The following CNKSR2 variants were observed in gnomAD, a reference collection of about 807,000 sequenced individuals.
The protein encoded by CNKSR2 is CNK homolog protein 2.
CNKSR2 carries 14 observed loss-of-function variants against 84.4 expected under a neutral mutation model. That is an observed-to-expected ratio of 0.17 (90% CI 0.11 to 0.26). The LOEUF (loss-of-function observed/expected upper bound fraction) is 0.26, where lower values mean the gene tolerates loss of function less well. CNKSR2 is among the 10% of genes least tolerant of loss of function. The pLI is 1.00. For missense variants in CNKSR2, 485 were observed against 771.2 expected, an observed-to-expected ratio of 0.63 and a Z score of 4.40; for synonymous variants, 275 against 277.9, an observed-to-expected ratio of 0.99 and a Z score of 0.10.
intron 11 of CNKSR2, among the ~76,000 whole-genome samples, chrX:21,558,998 A>T (rs1438522024): frequency 9.0e-6 from 1 of 110,980 alleles, no homozygotes; most frequent in East Asian, 2.8e-4. Flanking sequence ...TAAATTGTAG[A>T]TATTTTGAAA....
intron 13 of CNKSR2, among the ~76,000 whole-genome samples, chrX:21,574,054 GA>G (rs1260172614): frequency 9.0e-6 from 1 of 111,376 alleles, no homozygotes; most frequent in African/African-American, 3.3e-5. Flanking sequence ...TAGGGCAGGG[GA>G]AAAATGCCAC....
intron 21 of CNKSR2, 73 bp downstream of exon 21, chrX:21,649,100 G>C: frequency 1.3e-6 from 1 of 784,538 alleles, no homozygotes; most frequent in Non-Finnish European, 1.8e-6. Context: ...GATACTGTAG[G>C]TTAAGAAATA....
intron 1 of CNKSR2, among the ~76,000 whole-genome samples, chrX:21,400,918 T>C (rs751274686): frequency 9.0e-6 from 1 of 111,679 alleles, no homozygotes; most frequent in Admixed American, 9.6e-5. Context: ...GATCACATTT[T>C]AAAATTTTAT....
Position 21,652,707 on chromosome X carries a change from C to T in CNKSR2, c.*186C>T, listed in dbSNP as rs761578664. ...GAGCATTTGTATATTTTATATGCAACAGTGCTCAGCTTATGTTTACCATGT... is the reference window on the plus strand; with the variant it reads ...GAGCATTTGTATATTTTATATGCAATAGTGCTCAGCTTATGTTTACCATGT... On this transcript the variant is annotated 3_prime_UTR_variant, in exon 22 of 22. Coordinates refer to ENST00000379510, the MANE Select transcript of CNKSR2 (RefSeq NM_014927.5). 4 of 392,283 alleles carry T rather than the reference C, an allele frequency of 1.0e-5. No homozygotes were observed. The highest frequency in any genetic ancestry group is 1.7e-5 in the Non-Finnish European group (4 of 229,591). The allele number at this position is 392,283 out of a possible 1,213,427, so 32.3% of individuals were successfully genotyped here. A position where few individuals can be genotyped will look rare whatever the true frequency, so the allele number is the denominator to read the frequency against.
At chrX:21,448,991 T>G (rs1321299665) in intron 4 of CNKSR2, among the ~76,000 whole-genome samples, 1 of 111,567 alleles carries the variant, frequency 9.0e-6, no homozygotes, top group African/African-American at 3.3e-5. Flanking sequence ...ACTTATAAAA[T>G]AAGTCAAAAT....
intron 11 of CNKSR2, among the ~76,000 whole-genome samples, chrX:21,540,108 AATAG>A (rs1413622134): frequency 8.9e-6 from 1 of 112,134 alleles, no homozygotes; most frequent in Non-Finnish European, 1.9e-5. Flanking sequence ...GAAACAAATA[AATAG>A]ATGCATCACA....
intron 13 of CNKSR2, among the ~76,000 whole-genome samples, chrX:21,566,919 AT>A (rs2092244039): frequency 8.9e-6 from 1 of 111,950 alleles, no homozygotes; most frequent in Non-Finnish European, 1.9e-5. Context: ...ATTTTTATTA[AT>A]TCCATATATC....
intron 3 of CNKSR2, among the ~76,000 whole-genome samples, chrX:21,437,965 T>G (rs2090731586): frequency 9.0e-6 from 1 of 111,645 alleles, no homozygotes; most frequent in African/African-American, 3.3e-5. Flanking sequence ...TCTAATTCAG[T>G]TTTTTAAATT....
chrX:21,591,252 A>G (rs1601997508), intron 15 of CNKSR2, 58 bp downstream of exon 15: 2 of 965,046 alleles, frequency 2.1e-6, no homozygotes, highest in East Asian at 3.2e-5. Context: ...CAAAAGAATC[A>G]TTTTGAGACT....
intron 20 of CNKSR2, among the ~76,000 whole-genome samples, chrX:21,625,616 G>C: frequency 8.9e-6 from 1 of 111,811 alleles, no homozygotes; most frequent in Non-Finnish European, 1.9e-5. Context: ...TGACAATGTA[G>C]GTCATTCAAA....
At chrX:21,496,291 T>C (rs1216021942) in intron 6 of CNKSR2, among the ~76,000 whole-genome samples, 1 of 111,517 alleles carries the variant, frequency 9.0e-6, no homozygotes, top group Non-Finnish European at 1.9e-5. Flanking sequence ...TCTTCTAAGT[T>C]CTAAAATAAT....
At chrX:21,415,279 A>G (rs1728517426) in intron 1 of CNKSR2, among the ~76,000 whole-genome samples, 1 of 110,973 alleles carries the variant, frequency 9.0e-6, no homozygotes, top group African/African-American at 3.3e-5. Flanking sequence ...TTCTTTGGTT[A>G]AGTTGATTCC....
At chrX:21,589,975 G>A (rs752466728) in intron 13 of CNKSR2, among the ~76,000 whole-genome samples, 46 of 111,029 alleles carry the variant, frequency 4.1e-4, no homozygotes, top group Non-Finnish European at 7.4e-4. Flanking sequence ...TGATTATGGG[G>A]GTAGGTAGCT....
Position 21,404,102 on chromosome X carries a change from C to A in CNKSR2, c.65-22395C>A, listed in dbSNP as rs146706238. Among the ~76,000 whole-genome samples the A allele has an allele frequency of 5.4e-5, 6 of 111,606 alleles. No individual in the cohort carries two copies. The East Asian group carries it at 1.7e-3, about 32-fold the overall frequency. ...AGATCCAGTGTACCTAATCACTTAC[C>A]TTTCATAGAATTTGCTTTGAAGAAA... On this transcript the variant is annotated intron_variant, in intron 1 of 21. Transcript: ENST00000379510.
intron 11 of CNKSR2, among the ~76,000 whole-genome samples, chrX:21,551,977 G>C (rs1260202578): frequency 2.7e-5 from 3 of 110,409 alleles, no homozygotes; most frequent in Non-Finnish European, 5.7e-5. Context: ...ATTCATTTAA[G>C]GTTGTTAGCG....
intron 20 of CNKSR2, among the ~76,000 whole-genome samples, chrX:21,638,589 G>A (rs1246183821): frequency 9.0e-6 from 1 of 111,228 alleles, no homozygotes; most frequent in African/African-American, 3.3e-5. Context: ...CTAAGCTGGT[G>A]GCCTCACAAT....
chrX:21,476,735 C>T (rs951836665), intron 5 of CNKSR2, among the ~76,000 whole-genome samples: 5 of 111,481 alleles, frequency 4.5e-5, no homozygotes, highest in African/African-American at 6.5e-5. Context: ...CAATAGAATA[C>T]AACCATAAAG....
intron 4 of CNKSR2, among the ~76,000 whole-genome samples, chrX:21,462,171 A>C (rs1435816054): frequency 8.9e-6 from 1 of 111,913 alleles, no homozygotes; most frequent in Non-Finnish European, 1.9e-5. Flanking sequence ...AAGAACAAGC[A>C]ATATCTTTTC....
At chrX:21,608,980 TA>T in intron 19 of CNKSR2, 90 bp from the exon 20 acceptor site, 1 of 1,112,827 alleles carries the variant, frequency 9.0e-7, no homozygotes. Flanking sequence ...TTCATCTACT[TA>T]AATATTACCT....
Sources: gnomAD v4.1 joint callset for allele counts (sites outside exome capture counted in the v4.1 genomes callset) on GRCh38, gnomAD v4.1.1 for gene constraint, MANE v1.5 for transcripts, NCBI Gene and HGNC (gene_info 2026-07-23, HGNC 2026-07-21) for gene names.